LRRC75A: variants seen among roughly 807,000 people sequenced by gnomAD.
LRRC75A encodes the protein leucine-rich repeat-containing protein 75A.
LRRC75A carries 12 observed loss-of-function variants against 26.0 expected under a neutral mutation model. The ratio of observed to expected loss-of-function variants is 0.46; its 90% confidence interval spans 0.30 to 0.75. The LOEUF (loss-of-function observed/expected upper bound fraction) is 0.75, where lower values mean the gene tolerates loss of function less well. Ranked by LOEUF, LRRC75A falls within the 30% of genes least tolerant of loss-of-function variation. LRRC75A has a pLI of 0.08. For missense variants in LRRC75A, 410 were observed against 486.6 expected (o/e 0.84, Z 1.48); for synonymous variants, 223 against 219.3 (o/e 1.02, Z -0.15).
intron 2 of LRRC75A, among the ~76,000 whole-genome samples, chr17:16,453,304 ACACACACGCACACACG>A (rs767449379): frequency 0.27 from 36,090 of 135,008 alleles, 5,800 homozygotes; most frequent in Non-Finnish European, 0.37. Flanking sequence ...CTAAACACAC[ACACACACGCACACACG>A]CACACACGCA....
Position 16,447,827 on chromosome 17 carries a change from C to G in LRRC75A, c.491+18G>C, listed in dbSNP as rs138809782. 1 of 1,516,474 alleles carries G rather than the reference C, an allele frequency of 6.6e-7. No homozygotes were observed. The highest frequency in any genetic ancestry group is 8.9e-7 in the Non-Finnish European group (1 of 1,123,766). The allele number at this position is 1,516,474 out of a possible 1,614,324, so 93.9% of individuals were successfully genotyped here. On this transcript the variant is annotated intron_variant, in intron 3 of 3. Transcript: ENST00000470794. ...ACACTCAGCCTGGCATAGACCTGCC[C>G]GGGGGAGTGTAACTCACCAGGCCTG...
chr17:16,476,958 TCAA>T (rs2093822111), intron 1 of LRRC75A, among the ~76,000 whole-genome samples: 1 of 151,108 alleles, frequency 6.6e-6, no homozygotes, highest in Non-Finnish European at 1.5e-5. Flanking sequence ...CAGGATGGTC[TCAA>T]TCTCCTGACC....
At chr17:16,446,780 C>A in intron 3 of LRRC75A, 1 of 223,360 alleles carries the variant, frequency 4.5e-6, no homozygotes, top group South Asian at 4.0e-5. Context: ...AGTCTCATGG[C>A]ATTCCAGGTT....
rs2093857270 is a variant in LRRC75A, at chr17:16,491,570, A to G, written c.246+175T>C. ...CCTCCGCCCTGCCCTGAGGCCCCAC[A>G]TTCAGCGGAAGCGCCGAGGCACCTG... On this transcript the variant is annotated intron_variant, in intron 1 of 3. Transcript: ENST00000470794. The surrounding 1 kb of genome is among the most constrained non-coding windows in gnomAD (Gnocchi z 5.9). 6.6e-6 allele frequency among the ~76,000 whole-genome samples: 1 copy of G among 152,068 alleles called. No individual in the cohort carries two copies. The highest frequency in any genetic ancestry group is 6.5e-5 in the Admixed American group (1 of 15,290).
chr17:16,448,289 A>C, intron 2 of LRRC75A: 3 of 378,292 alleles, frequency 7.9e-6, no homozygotes, highest in Non-Finnish European at 1.5e-5. Flanking sequence ...GCCACTCCCC[A>C]ATGTCCAGGG....
chr17:16,448,318 T>C (rs1257491443), intron 2 of LRRC75A: 2 of 299,742 alleles, frequency 6.7e-6, no homozygotes, highest in Non-Finnish European at 1.3e-5. Flanking sequence ...TGCATTCTCT[T>C]GCTCAGCAGA....
chr17:16,443,669 C>T lies in LRRC75A; in HGVS notation c.954G>A (p.Gln318=), dbSNP rs61741500. The change falls in exon 4 of 4, where the codon CAG becomes CAA. Residue 318 remains glutamine, a synonymous_variant. Coordinates refer to ENST00000470794, the MANE Select transcript of LRRC75A (RefSeq NM_001113567.3). ...CCACAGGGCCCCCTCCAGGGTCCTC[C>T]TGGCCTACTGTCCCTTCCCGGACCT... ...GEEVREGTVG[Q]EDPGGGPVAP... 99 of 1,584,578 alleles carry T rather than the reference C, an allele frequency of 6.2e-5. No homozygotes were observed. Among genetic ancestry groups the T allele is most frequent in the Non-Finnish European group, 8.2e-5 (95 of 1,165,380 alleles).
At chr17:16,461,319 C>T (rs1439048131) in intron 2 of LRRC75A, 4 of 152,286 alleles carry the variant, frequency 2.6e-5, no homozygotes, top group Non-Finnish European at 4.4e-5. Context: ...CACACCCCTT[C>T]GTCCTGCTCT....
At chr17:16,486,873 T>C (rs1411271148) in intron 1 of LRRC75A, among the ~76,000 whole-genome samples, 2 of 152,216 alleles carry the variant, frequency 1.3e-5, no homozygotes, top group Admixed American at 6.5e-5. Context: ...CAGCCGTAGC[T>C]GGGGAATCCA....
chr17:16,459,801 TG>T (rs1432426258), intron 2 of LRRC75A, among the ~76,000 whole-genome samples: 1 of 152,134 alleles, frequency 6.6e-6, no homozygotes, highest in Non-Finnish European at 1.5e-5. Flanking sequence ...ACCACCAGCC[TG>T]GGGACCTCCC....
chr17:16,450,051 T>C (rs1274573801), intron 2 of LRRC75A, among the ~76,000 whole-genome samples: 1 of 152,120 alleles, frequency 6.6e-6, no homozygotes, highest in Non-Finnish European at 1.5e-5. Flanking sequence ...GTTACTGACA[T>C]GAGGGCAGGT....
chr17:16,452,346 C>T (rs927442631), intron 2 of LRRC75A, among the ~76,000 whole-genome samples: 6 of 150,984 alleles, frequency 4.0e-5, no homozygotes, highest in South Asian at 2.1e-4. Flanking sequence ...GACCTAGTCT[C>T]AAAAAACCAA....
intron 2 of LRRC75A, among the ~76,000 whole-genome samples, chr17:16,460,184 C>T (rs957563194): frequency 2.6e-5 from 4 of 152,162 alleles, no homozygotes; most frequent in African/African-American, 9.7e-5. Context: ...CCTTGCCAGT[C>T]ACCAACCAGG....
intron 1 of LRRC75A, among the ~76,000 whole-genome samples, chr17:16,485,737 G>A (rs1270637574): frequency 6.6e-6 from 1 of 151,428 alleles, no homozygotes; most frequent in African/African-American, 2.4e-5. Flanking sequence ...GGCACCGGCA[G>A]CACTGCTCTT....
intron 2 of LRRC75A, among the ~76,000 whole-genome samples, chr17:16,449,978 C>T (rs2093617623): frequency 6.6e-6 from 1 of 152,174 alleles, no homozygotes; most frequent in Admixed American, 6.6e-5. Flanking sequence ...AAACGTGAGG[C>T]ATCCTTGAGT....
intron 1 of LRRC75A, among the ~76,000 whole-genome samples, chr17:16,465,486 G>A (rs1257538181): frequency 1.3e-5 from 2 of 152,214 alleles, no homozygotes; most frequent in Non-Finnish European, 2.9e-5. Context: ...AGGGCTGTGG[G>A]CTGCAGCTCT....
intron 1 of LRRC75A, among the ~76,000 whole-genome samples, chr17:16,481,625 T>C (rs868449307): frequency 1.5e-4 from 23 of 151,934 alleles, no homozygotes; most frequent in South Asian, 2.1e-4. Flanking sequence ...GCCTCCCCCA[T>C]GATGGCCTGG....
Position 16,443,557 on chromosome 17 carries a change from G to C in LRRC75A, c.*31C>G, listed in dbSNP as rs539176054. On this transcript the variant is annotated 3_prime_UTR_variant, in exon 4 of 4. Transcript: ENST00000470794. ...CTGCCTTGCCCATTCTACCCAACAA[G>C]GACTCCCTGGTGAGGCCCTTCACTT... The C allele has an allele frequency of 6.8e-7, 1 of 1,476,706 alleles. No homozygotes were observed. The highest frequency in any genetic ancestry group is 1.4e-5 in the African/African-American group (1 of 71,246). 91.5% of individuals were successfully genotyped at this position (1,476,706 alleles called of 1,614,324 possible).
At chr17:16,456,264 AGAG>A (rs745916278) in intron 2 of LRRC75A, among the ~76,000 whole-genome samples, 30 of 86,250 alleles carry the variant, frequency 3.5e-4, no homozygotes, top group Non-Finnish European at 4.4e-4. Context: ...AGGATCAGGA[AGAG>A]GAGGAGGAGG....
Sources: gnomAD v4.1 joint callset for allele counts (sites outside exome capture counted in the v4.1 genomes callset) on GRCh38, gnomAD v4.1.1 for gene constraint, Gnocchi (gnomAD v3.1) non-coding constraint, MANE v1.5 for transcripts, NCBI Gene and HGNC (gene_info 2026-07-23, HGNC 2026-07-21) for gene names.